PCLO: variants seen among roughly 807,000 people sequenced by gnomAD.
The protein encoded by PCLO is piccolo presynaptic cytomatrix protein.
Under a neutral mutation model 427.5 loss-of-function variants are expected in PCLO, and 82 were observed. The observed-to-expected ratio is 0.19, with a 90% CI of 0.16 to 0.23. PCLO has a LOEUF of 0.23. PCLO is among the 10% of genes least tolerant of loss of function. PCLO has a pLI of 1.00. For missense variants in PCLO, 6,239 were observed against 6,115.9 expected (o/e 1.02, Z -0.67); for synonymous variants, 2,357 against 2,155.4 (o/e 1.09, Z -2.59).
intron 3 of PCLO, among the ~76,000 whole-genome samples, chr7:82,971,669 T>C (rs1795910270): frequency 6.8e-6 from 1 of 148,144 alleles, no homozygotes; most frequent in Non-Finnish European, 1.5e-5. Context: ...GCAACATTTC[T>C]CCAATTCAAA....
chr7:82,821,063 A>G, intron 20 of PCLO: 2 of 1,139,052 alleles, frequency 1.8e-6, no homozygotes, highest in Non-Finnish European at 2.2e-6. Context: ...AGAGCTTTAA[A>G]TTTGGGGATG....
intron 6 of PCLO, among the ~76,000 whole-genome samples, chr7:82,933,071 T>C (rs1298646703): frequency 1.3e-5 from 2 of 152,046 alleles, no homozygotes; most frequent in Non-Finnish European, 2.9e-5. Context: ...TTCTAGGTTA[T>C]TTTCTGTTGC....
At chr7:82,963,031 A>G (rs1795687035) in intron 4 of PCLO, among the ~76,000 whole-genome samples, 1 of 152,064 alleles carries the variant, frequency 6.6e-6, no homozygotes, top group Admixed American at 6.6e-5. Flanking sequence ...AGTGTTTTTC[A>G]GTAATACAAT....
chr7:83,154,587 T>A lies in PCLO; in HGVS notation c.1893+161A>T, dbSNP rs147255854. Among the ~76,000 whole-genome samples, 921 of 152,152 alleles carry A rather than the reference T, an allele frequency of 6.1e-3. 5 individuals carry two copies. The highest frequency in any genetic ancestry group is 0.041 in the Middle Eastern group (12 of 294). ...TTTGAGGCTTCTAGTCAGAGAAATG[T>A]TAAAAAAAAATTACAACTGGCAGAA... is the stretch of plus-strand genomic sequence containing the variant. On this transcript the variant is annotated intron_variant, in intron 2 of 24. Transcript: ENST00000333891.
intron 3 of PCLO, among the ~76,000 whole-genome samples, chr7:83,092,022 T>G (rs1790390572): frequency 6.6e-6 from 1 of 152,150 alleles, no homozygotes; most frequent in African/African-American, 2.4e-5. Context: ...GTTCCACATT[T>G]GAATTTAACA....
At chr7:83,073,083 G>C (rs1428334519) in intron 3 of PCLO, among the ~76,000 whole-genome samples, 1 of 151,796 alleles carries the variant, frequency 6.6e-6, no homozygotes, top group Non-Finnish European at 1.5e-5. Context: ...CAATTGTTAA[G>C]GTTCCAATTT....
At chr7:83,133,598 T>C (rs1359675740) in intron 3 of PCLO, among the ~76,000 whole-genome samples, 1 of 152,078 alleles carries the variant, frequency 6.6e-6, no homozygotes, top group African/African-American at 2.4e-5. Flanking sequence ...TATCTTTCTT[T>C]CTTTCCACAG....
intron 3 of PCLO, among the ~76,000 whole-genome samples, chr7:82,971,345 T>C (rs1261109620): frequency 6.6e-6 from 1 of 151,548 alleles, no homozygotes; most frequent in Admixed American, 6.6e-5. Flanking sequence ...TCAAATGAGT[T>C]ATAGTTTTAT....
At chr7:82,910,768 A>T (rs1794302514) in intron 7 of PCLO, among the ~76,000 whole-genome samples, 1 of 152,164 alleles carries the variant, frequency 6.6e-6, no homozygotes, top group African/African-American at 2.4e-5. Flanking sequence ...ATGGTTTTCC[A>T]GTCTTAATTT....
At chr7:82,879,943 T>A in intron 9 of PCLO, 1 of 400,764 alleles carries the variant, frequency 2.5e-6, no homozygotes, top group Non-Finnish European at 4.8e-6. Context: ...TTTTCAGCCT[T>A]AATTAACCAA....
chr7:83,136,761 TGA>T (rs1030810167), intron 2 of PCLO, among the ~76,000 whole-genome samples: 2 of 152,058 alleles, frequency 1.3e-5, no homozygotes, highest in Admixed American at 1.3e-4. Flanking sequence ...TGCATGTGAA[TGA>T]GAGAGATTTG....
Position 82,916,174 on chromosome 7 carries a change from G to T in PCLO, c.11812C>A (p.Pro3938Thr), listed in dbSNP as rs1477539086. 7.4e-6 allele frequency: 12 copies of T among 1,613,474 alleles called. No individual in the cohort carries two copies. Among genetic ancestry groups the T allele is most frequent in the Non-Finnish European group, 1.0e-5 (12 of 1,179,714 alleles). ...GGGGTTGGTGTAGGTTGAACTTGAG[G>T]TGTGAAGGACATTGTTGCCACAGCT... is the stretch of plus-strand genomic sequence containing the variant. Reference protein sequence around the residue: ...FQAVATMSFTPQVQPTPTPQP... With the variant: ...FQAVATMSFTTQVQPTPTPQP... The change falls in exon 7 of 25, where the codon CCT becomes ACT. Residue 3938 changes from proline (P) to threonine (T), a missense_variant. Pro to Thr is a conservative substitution (Grantham distance 38). Coordinates refer to ENST00000333891, the MANE Select transcript of PCLO (RefSeq NM_033026.6).
chr7:83,020,694 T>C (rs1788321989), intron 3 of PCLO, among the ~76,000 whole-genome samples: 1 of 152,178 alleles, frequency 6.6e-6, no homozygotes, highest in Admixed American at 6.5e-5. Flanking sequence ...TGTAGTAAAG[T>C]ATTTTGTTAT....
chr7:83,089,411 C>T (rs1259882702), intron 3 of PCLO, among the ~76,000 whole-genome samples: 3 of 152,060 alleles, frequency 2.0e-5, no homozygotes, highest in African/African-American at 4.8e-5. Context: ...CTATAGAACT[C>T]TGTCCTTTCT....
At chr7:82,923,600 T>C (rs1380475023) in intron 6 of PCLO, among the ~76,000 whole-genome samples, 1 of 152,074 alleles carries the variant, frequency 6.6e-6, no homozygotes, top group East Asian at 1.9e-4. Flanking sequence ...TGTGGCTCTG[T>C]CAAAGAGAAA....
intron 3 of PCLO, among the ~76,000 whole-genome samples, chr7:82,981,621 G>C (rs1201196437): frequency 6.6e-6 from 1 of 151,890 alleles, no homozygotes; most frequent in Non-Finnish European, 1.5e-5. Flanking sequence ...TGTCACCTTT[G>C]CAATAATTGT....
At chr7:82,813,292 GATCT>G (rs1371577420) in intron 20 of PCLO, among the ~76,000 whole-genome samples, 1 of 151,514 alleles carries the variant, frequency 6.6e-6, no homozygotes, top group Non-Finnish European at 1.5e-5. Flanking sequence ...TTATATTAAT[GATCT>G]ATTAATCTAT....
intron 3 of PCLO, among the ~76,000 whole-genome samples, chr7:83,000,052 C>T (rs989549963): frequency 3.8e-5 from 3 of 79,084 alleles, no homozygotes; most frequent in African/African-American, 1.6e-4. Context: ...AAACAAAAAA[C>T]AAACAAAAAA....
chr7:82,956,024 A>G lies in PCLO; in HGVS notation c.4929T>C (p.Leu1643=), dbSNP rs1795507710. The G allele has an allele frequency of 3.1e-6, 5 of 1,613,088 alleles. No homozygotes were observed. The highest frequency in any genetic ancestry group is 1.6e-4 in the Middle Eastern group (1 of 6,082). ...CCTGACTTTTAGTTTCTCTGTATTT[A>G]AGTTCAGGACTTTCATCAAATGCTT... ...DDEAFDESPE[L]KYRETKSQES... Residue 1643 remains leucine, a synonymous_variant, in exon 5 of 25, where the codon CTT becomes CTC. Coordinates refer to ENST00000333891, the MANE Select transcript of PCLO (RefSeq NM_033026.6).
Sources: allele counts gnomAD v4.1 joint callset (sites outside exome capture counted in the v4.1 genomes callset), GRCh38; gene constraint gnomAD v4.1.1; transcripts MANE v1.5; gene names NCBI Gene and HGNC (gene_info 2026-07-23, HGNC 2026-07-21).